Variants in TMTC2 observed in about 807,000 individuals in gnomAD.
TMTC2 encodes transmembrane O-mannosyltransferase targeting cadherins 2, also known as protein O-mannosyl-transferase TMTC2.
In TMTC2, 43 loss-of-function variants were observed where a neutral mutation model predicts 82.4. The ratio of observed to expected loss-of-function variants is 0.52; its 90% CI spans 0.41 to 0.67. The LOEUF is 0.67. TMTC2 is among the 30% of genes least tolerant of loss of function. The probability of loss-of-function intolerance (pLI) is 0.00; values close to 1 mark genes in which losing one functional copy is unlikely to be tolerated. For missense variants in TMTC2, 919 were observed against 1,012.4 expected (o/e 0.91, Z 1.25); for synonymous variants, 408 against 381.9 (o/e 1.07, Z -0.80).
intron 9 of TMTC2, among the ~76,000 whole-genome samples, chr12:83,031,676 C>T (rs985884435): frequency 1.3e-5 from 2 of 152,006 alleles, no homozygotes; most frequent in African/African-American, 4.8e-5. Flanking sequence ...TAAAAGTGGA[C>T]AGAAATTAAA....
At chr12:82,885,123 G>A (rs1259244871) in intron 2 of TMTC2, among the ~76,000 whole-genome samples, 4 of 149,372 alleles carry the variant, frequency 2.7e-5, no homozygotes, top group African/African-American at 5.0e-5. Flanking sequence ...GGGTGGTCTC[G>A]AACTCCTGAA....
intron 1 of TMTC2, among the ~76,000 whole-genome samples, chr12:82,729,339 C>G (rs1874639805): frequency 1.3e-5 from 2 of 152,260 alleles, no homozygotes; most frequent in African/African-American, 2.4e-5. Flanking sequence ...CACTCTGTAT[C>G]TAGCTACTCT....
rs757025099 is a variant in TMTC2 at position 82,857,407 on chromosome 12, A to T, written c.481A>T (p.Thr161Ser). 1 of 1,614,166 alleles carries T rather than the reference A, an allele frequency of 6.2e-7. No individual in the cohort carries two copies. Among genetic ancestry groups the T allele is most frequent in the African/African-American group, 1.3e-5 (1 of 75,040 alleles). ...SLLCYIKHCS[T>S]RGYSARTWGW... The stretch of plus-strand genomic sequence containing the variant: ...GCTCTGCTACATTAAACACTGTTCT[A>T]CAAGAGGCTACTCAGCCAGAACCTG... The change falls in exon 2 of 12, where the codon ACA becomes TCA. Residue 161 changes from threonine to serine, a missense_variant. Physicochemically the swap from Thr to Ser is moderately conservative, Grantham distance 58 (BLOSUM62 1). Coordinates refer to ENST00000321196, the MANE Select transcript of TMTC2 (RefSeq NM_152588.3).
At chr12:83,060,982 A>G (rs1882718830) in intron 10 of TMTC2, among the ~76,000 whole-genome samples, 1 of 151,792 alleles carries the variant, frequency 6.6e-6, no homozygotes, top group Admixed American at 6.6e-5. Flanking sequence ...TATGGGAGCT[A>G]CAGAATTCAC....
At chr12:83,067,612 C>T (rs947347342) in intron 11 of TMTC2, among the ~76,000 whole-genome samples, 1 of 151,950 alleles carries the variant, frequency 6.6e-6, no homozygotes, top group Non-Finnish European at 1.5e-5. Context: ...TGGTTATCTG[C>T]TAATCCTGTG....
chr12:83,074,024 G>A (rs2137492688), intron 11 of TMTC2, among the ~76,000 whole-genome samples: 1 of 152,238 alleles, frequency 6.6e-6, no homozygotes, highest in Middle Eastern at 3.4e-3. Context: ...TAGTGAACTA[G>A]TGTGATTTTT....
intron 3 of TMTC2, among the ~76,000 whole-genome samples, chr12:82,924,086 T>C (rs1356940769): frequency 6.6e-6 from 1 of 152,230 alleles, no homozygotes; most frequent in Non-Finnish European, 1.5e-5. Context: ...GTTTTTATAT[T>C]TGAGGATAAT....
rs1565780190 is a variant in TMTC2, at chr12:82,856,960, C to T, written c.84-50C>T. ...GTATCTTATCAATGTCATATTTTTT[C>T]TTTCTTTCTGTGTTTTACATTTGAT... On this transcript the variant is annotated intron_variant, in intron 1 of 11. Coordinates refer to ENST00000321196, the MANE Select transcript of TMTC2 (RefSeq NM_152588.3). 7 of 1,518,752 alleles carry T rather than the reference C, an allele frequency of 4.6e-6. No individual in the cohort carries two copies. The Admixed American group carries it at 1.2e-4, about 26-fold the overall frequency. The allele number at this position is 1,518,752 out of a possible 1,614,324, so 94.1% of individuals were successfully genotyped here.
At chr12:82,967,853 C>G (rs1878286457) in intron 7 of TMTC2, among the ~76,000 whole-genome samples, 1 of 152,030 alleles carries the variant, frequency 6.6e-6, no homozygotes, top group Non-Finnish European at 1.5e-5. Flanking sequence ...TATTTCTAGT[C>G]CTCTCTCATG....
chr12:82,808,828 T>C (rs574915399), intron 1 of TMTC2, among the ~76,000 whole-genome samples: 3 of 152,094 alleles, frequency 2.0e-5, no homozygotes, highest in African/African-American at 7.2e-5. Context: ...AACATTTTAA[T>C]GTATAGATTT....
chr12:83,001,914 G>C (rs1475464864), intron 8 of TMTC2, among the ~76,000 whole-genome samples: 3 of 152,098 alleles, frequency 2.0e-5, no homozygotes, highest in Non-Finnish European at 4.4e-5. Context: ...AAAAGACAGA[G>C]TTTTGAGCAT....
chr12:82,850,561 C>G (rs77679652), intron 1 of TMTC2, among the ~76,000 whole-genome samples: 2 of 151,994 alleles, frequency 1.3e-5, no homozygotes, highest in East Asian at 3.9e-4. Context: ...AGGAGAGAAA[C>G]AGCCACATTT....
intron 1 of TMTC2, among the ~76,000 whole-genome samples, chr12:82,787,493 G>A (rs543274946): frequency 1.3e-5 from 2 of 152,182 alleles, no homozygotes; most frequent in East Asian, 1.9e-4. Flanking sequence ...AGTTGCTTAA[G>A]TTAGATTTAC....
Position 82,896,111 on chromosome 12 carries a change from C to G in TMTC2, c.948C>G (p.Phe316Leu), listed in dbSNP as rs1339233217. Residue 316 changes from phenylalanine to leucine, a missense_variant, in exon 3 of 12, where the codon TTC becomes TTG. Coordinates refer to ENST00000321196, the MANE Select transcript of TMTC2 (RefSeq NM_152588.3). ...CDWRNLHTVA[F>L]YTGLLLLAYY... ...GGAGAAACCTACACACTGTGGCCTTCTATACTGGACTCCTTCTCCTTGCCT... is the reference window on the plus strand; with the variant it reads ...GGAGAAACCTACACACTGTGGCCTTGTATACTGGACTCCTTCTCCTTGCCT... The G allele has an allele frequency of 6.2e-7, 1 of 1,614,024 alleles. No individual in the cohort carries two copies. Among genetic ancestry groups the G allele is most frequent in the South Asian group, 1.1e-5 (1 of 91,074 alleles).
chr12:82,766,676 C>T (rs1412693056), intron 1 of TMTC2, among the ~76,000 whole-genome samples: 1 of 152,182 alleles, frequency 6.6e-6, no homozygotes, highest in Admixed American at 6.5e-5. Flanking sequence ...GATTACTGTC[C>T]CTGTATACCA....
chr12:83,131,453 C>T (rs755391414), intron 11 of TMTC2, among the ~76,000 whole-genome samples: 14 of 152,038 alleles, frequency 9.2e-5, no homozygotes, highest in Non-Finnish European at 7.4e-5. Context: ...GCAATTATTA[C>T]GCATTATTGA....
chr12:82,896,728 G>A (rs1873709806), intron 3 of TMTC2, 82 bp downstream of exon 3: 24 of 1,128,618 alleles, frequency 2.1e-5, no homozygotes, highest in Non-Finnish European at 3.0e-5. Context: ...TTAAAACACA[G>A]TATTAAGGAG....
chr12:82,766,029 C>T (rs1436956432), intron 1 of TMTC2, among the ~76,000 whole-genome samples: 1 of 152,112 alleles, frequency 6.6e-6, no homozygotes, highest in Non-Finnish European at 1.5e-5. Context: ...AAACAGGTTC[C>T]AGTCCTGGCC....
At chr12:83,087,599 A>AG (rs111465945) in intron 11 of TMTC2, among the ~76,000 whole-genome samples, 30,162 of 152,174 alleles carry the variant, frequency 0.2, 3,913 homozygotes, top group African/African-American at 0.36. Flanking sequence ...ATATTGTGTT[A>AG]CAGAAAGGTA....
Sources: gnomAD v4.1 joint callset for allele counts (sites outside exome capture counted in the v4.1 genomes callset) on GRCh38, gnomAD v4.1.1 for gene constraint, MANE v1.5 for transcripts, NCBI Gene and HGNC (gene_info 2026-07-23, HGNC 2026-07-21) for gene names.